The following GRIA2 variants were observed in gnomAD, a reference collection of about 807,000 sequenced individuals.
GRIA2 encodes the protein glutamate receptor 2.
In GRIA2, 14 loss-of-function variants were observed where a neutral mutation model predicts 97.3. The observed-to-expected ratio is 0.14, with a 90% CI of 0.10 to 0.23. GRIA2 has a LOEUF of 0.23. GRIA2 is among the 10% of genes least tolerant of loss of function. The probability of loss-of-function intolerance (pLI) is 1.00; values close to 1 mark genes in which losing one functional copy is unlikely to be tolerated. For synonymous variants in GRIA2, 412 were observed against 387.8 expected (o/e 1.06, Z -0.73); for missense variants, 558 against 1,069.8 (o/e 0.52, Z 6.67).
At chr4:157,356,024 T>C (rs1407581925) in intron 12 of GRIA2, among the ~76,000 whole-genome samples, 1 of 108,070 alleles carries the variant, frequency 9.3e-6, no homozygotes, top group Non-Finnish European at 1.7e-5. Context: ...TATATATTTA[T>C]ATATTTATAT....
chr4:157,357,005 T>G (rs1239262187), intron 12 of GRIA2, among the ~76,000 whole-genome samples: 1 of 152,172 alleles, frequency 6.6e-6, no homozygotes, highest in Non-Finnish European at 1.5e-5. Context: ...ATCATGCATC[T>G]TCTTAGATGA....
Position 157,361,159 on chromosome 4 carries a change from A to G in GRIA2, c.2406+35A>G. 1 of 1,478,014 alleles carries G rather than the reference A, an allele frequency of 6.8e-7. No homozygotes were observed. Among genetic ancestry groups the G allele is most frequent in the South Asian group, 1.1e-5 (1 of 88,138 alleles). The allele number at this position is 1,478,014 out of a possible 1,614,324, so 91.6% of individuals were successfully genotyped here. A position where few individuals can be genotyped will look rare whatever the true frequency, so the allele number is the denominator to read the frequency against. On this transcript the variant is annotated intron_variant, in intron 14 of 15. Transcript: ENST00000264426. This position sits in a 1 kb window ranked among gnomAD's most constrained non-coding sequence, Gnocchi z 5.2. ...AGTGAGAAAAGTAATGGGTAACTCA[A>G]TGCAAAACAAAGTAAGCAGCAGCTA...
At chr4:157,253,245 T>C (rs1215736562) in intron 2 of GRIA2, among the ~76,000 whole-genome samples, 1 of 151,858 alleles carries the variant, frequency 6.6e-6, no homozygotes, top group Non-Finnish European at 1.5e-5. Flanking sequence ...TCCTCCCAAG[T>C]AGCTGGGATC....
At chr4:157,275,380 C>T (rs1349509019) in intron 2 of GRIA2, among the ~76,000 whole-genome samples, 1 of 152,146 alleles carries the variant, frequency 6.6e-6, no homozygotes, top group African/African-American at 2.4e-5. Flanking sequence ...TAATTAGATC[C>T]CATTTGTCAA....
At chr4:157,332,363 C>A (rs1370738832) in intron 6 of GRIA2, among the ~76,000 whole-genome samples, 3 of 151,906 alleles carry the variant, frequency 2.0e-5, no homozygotes, top group Admixed American at 2.0e-4. Context: ...TGAACATGAC[C>A]AGGGTTGAAT....
chr4:157,355,528 CAA>C (rs200295414), intron 12 of GRIA2, among the ~76,000 whole-genome samples: 1 of 121,058 alleles, frequency 8.3e-6, no homozygotes. Context: ...GACTTCATGT[CAA>C]AAAAAAAAAA....
intron 2 of GRIA2, among the ~76,000 whole-genome samples, chr4:157,265,604 C>A (rs1037909363): frequency 6.6e-6 from 1 of 152,060 alleles, no homozygotes; most frequent in Non-Finnish European, 1.5e-5. Flanking sequence ...ATTGGCTAAG[C>A]CTCCTTAGAG....
intron 2 of GRIA2, among the ~76,000 whole-genome samples, chr4:157,236,961 G>A (rs570523549): frequency 6.6e-6 from 1 of 152,200 alleles, no homozygotes; most frequent in East Asian, 1.9e-4. Flanking sequence ...TTTTTGGAAT[G>A]ACAATTTCAG....
At chr4:157,304,959 A>C (rs898276385) in intron 3 of GRIA2, among the ~76,000 whole-genome samples, 1 of 152,038 alleles carries the variant, frequency 6.6e-6, no homozygotes, top group Admixed American at 6.6e-5. Context: ...ATACAAGCTG[A>C]AAAAAAATTT....
intron 3 of GRIA2, among the ~76,000 whole-genome samples, chr4:157,305,484 G>A (rs1733803337): frequency 6.6e-6 from 1 of 152,018 alleles, no homozygotes. Context: ...TTCTCATTAT[G>A]ATGAGGATAA....
At chr4:157,277,145 A>T (rs1334937034) in intron 2 of GRIA2, among the ~76,000 whole-genome samples, 2 of 151,934 alleles carry the variant, frequency 1.3e-5, no homozygotes, top group Non-Finnish European at 2.9e-5. Context: ...AATTAACAAA[A>T]TATTAGCAAA....
chr4:157,350,165 T>C (rs1426607502), intron 12 of GRIA2, among the ~76,000 whole-genome samples: 1 of 152,182 alleles, frequency 6.6e-6, no homozygotes. Flanking sequence ...AATTCTGACT[T>C]AAGTAATTGC....
intron 1 of GRIA2, 97 bp from the exon 2 acceptor site, chr4:157,221,570 A>G: frequency 7.9e-7 from 1 of 1,273,034 alleles, no homozygotes; most frequent in Non-Finnish European, 1.1e-6. Flanking sequence ...ATTCGCGTGA[A>G]TAAGAGACTC....
At chr4:157,231,182 G>T (rs913013296) in intron 2 of GRIA2, among the ~76,000 whole-genome samples, 2 of 152,068 alleles carry the variant, frequency 1.3e-5, no homozygotes, top group Non-Finnish European at 2.9e-5. Flanking sequence ...GGGACTACAG[G>T]TGCACACCGC....
chr4:157,275,398 T>C (rs1394090896), intron 2 of GRIA2, among the ~76,000 whole-genome samples: 3 of 152,224 alleles, frequency 2.0e-5, no homozygotes, highest in African/African-American at 4.8e-5. Context: ...CAATTTTGGC[T>C]TTTGTTGCCA....
intron 12 of GRIA2, among the ~76,000 whole-genome samples, chr4:157,353,684 AAAACAAAC>A (rs530568509): frequency 2.0e-4 from 31 of 152,190 alleles, no homozygotes; most frequent in East Asian, 5.8e-4. Context: ...CTCCGTCTCA[AAAACAAAC>A]AAACAAACAA....
chr4:157,285,557 TTGTGTGTG>T (rs149477258), intron 2 of GRIA2, among the ~76,000 whole-genome samples: 11 of 147,222 alleles, frequency 7.5e-5, no homozygotes, highest in Admixed American at 2.0e-4. Flanking sequence ...CCTATAATAT[TTGTGTGTG>T]TGTGTGTGTG....
At chr4:157,231,452 C>T (rs957047620) in intron 2 of GRIA2, among the ~76,000 whole-genome samples, 2 of 152,138 alleles carry the variant, frequency 1.3e-5, no homozygotes, top group African/African-American at 4.8e-5. Context: ...ACTGAGATTA[C>T]AGGCATGAGC....
At chr4:157,310,291 T>C (rs1451489732) in intron 3 of GRIA2, among the ~76,000 whole-genome samples, 3 of 152,196 alleles carry the variant, frequency 2.0e-5, no homozygotes. Context: ...TTTAGGTTTA[T>C]TTATATCTTT....
Sources: allele counts gnomAD v4.1 joint callset (sites outside exome capture counted in the v4.1 genomes callset), GRCh38; gene constraint gnomAD v4.1.1; non-coding constraint Gnocchi (gnomAD v3.1); transcripts MANE v1.5; gene names NCBI Gene and HGNC (gene_info 2026-07-23, HGNC 2026-07-21).